ART4: variants seen among roughly 807,000 people sequenced by gnomAD.
ART4 encodes the protein ecto-ADP-ribosyltransferase 4.
Under a neutral mutation model 24.2 loss-of-function variants are expected in ART4, and 14 were observed. The observed-to-expected ratio is 0.58, with a 90% CI of 0.38 to 0.90. The LOEUF is 0.90. Ranked by LOEUF, ART4 falls within the 40% of genes least tolerant of loss-of-function variation. The pLI, the probability that ART4 is intolerant of heterozygous loss-of-function variation, is 0.00. For synonymous variants in ART4, 145 were observed against 139.9 expected, an observed-to-expected ratio of 1.04 and a Z score of -0.26; for missense variants, 356 against 366.6, an observed-to-expected ratio of 0.97 and a Z score of 0.24.
intron 1 of ART4, among the ~76,000 whole-genome samples, 162 bp downstream of exon 1, chr12:14,842,808 A>G (rs1242233684): frequency 6.6e-6 from 1 of 152,246 alleles, no homozygotes; most frequent in Non-Finnish European, 1.5e-5. Context: ...ACAATTTTTC[A>G]TAACTGTTTT....
In ART4 at chr12:14,827,397, ATTCT is replaced by A. The variant is rs1950366148; in HGVS notation, c.*1970_*1973del. ...TCACATAAATTGTCTGTTTGTAGAAATTCTTTCTTTTTTTCTTTTTTTGAGATCG... is the reference window on the plus strand; with the variant it reads ...TCACATAAATTGTCTGTTTGTAGAAATTCTTTTTTTCTTTTTTTGAGATCG... On this transcript the variant is annotated 3_prime_UTR_variant, in exon 3 of 3. Transcript: ENST00000228936. 6.6e-6 allele frequency: 1 copy of A among 152,388 alleles called. No individual in the cohort carries two copies. Among genetic ancestry groups the A allele is most frequent in the East Asian group, 1.9e-4 (1 of 5,178 alleles). The allele number at this position is 152,388 out of a possible 1,614,324, so 9.4% of individuals were successfully genotyped here.
Position 14,843,246 on chromosome 12 carries a change from C to G in ART4, c.-133G>C. On this transcript the variant is annotated 5_prime_UTR_variant, in exon 1 of 3. Transcript: ENST00000228936. The stretch of plus-strand genomic sequence containing the variant: ...TTCCCCTGTCTATGCTGAGCAACTT[C>G]TGTTGCCCACCAACAACCAATAGCT... The G allele has an allele frequency of 2.9e-6, 3 of 1,047,770 alleles. No individual in the cohort carries two copies. The highest frequency in any genetic ancestry group is 4.1e-6 in the Non-Finnish European group (3 of 736,378). The allele number at this position is 1,047,770 out of a possible 1,614,324, so 64.9% of individuals were successfully genotyped here.
chr12:14,837,260 A>G (rs934957410), intron 2 of ART4, among the ~76,000 whole-genome samples: 2 of 152,216 alleles, frequency 1.3e-5, no homozygotes, highest in Admixed American at 6.5e-5. Flanking sequence ...CATTGTGACA[A>G]CAGCTTACTT....
rs562302278 is a variant in ART4 at position 14,825,757 on chromosome 12, A to C, written c.*3614T>G. ...CTTCTAGCAAAACAAACTTTACTGAAATTTTCTTTCATTGGATTTTTTTTA... is the reference window on the plus strand; with the variant it reads ...CTTCTAGCAAAACAAACTTTACTGACATTTTCTTTCATTGGATTTTTTTTA... On this transcript the variant is annotated 3_prime_UTR_variant, in exon 3 of 3. Coordinates refer to ENST00000228936, the MANE Select transcript of ART4 (RefSeq NM_021071.4). 123 of 152,300 alleles carry C rather than the reference A, an allele frequency of 8.1e-4. No individual in the cohort carries two copies. Among genetic ancestry groups the C allele is most frequent in the Middle Eastern group, 6.8e-3 (2 of 294 alleles). The allele number at this position is 152,300 out of a possible 1,614,324, so 9.4% of individuals were successfully genotyped here. A position where few individuals can be genotyped will look rare whatever the true frequency, so the allele number is the denominator to read the frequency against.
intron 2 of ART4, among the ~76,000 whole-genome samples, chr12:14,832,412 A>G (rs1381243145): frequency 6.6e-6 from 1 of 152,068 alleles, no homozygotes; most frequent in Non-Finnish European, 1.5e-5. Flanking sequence ...TCACCCTCTC[A>G]GTGAAGTTTC....
At chr12:14,838,782 A>G (rs2137303051) in intron 2 of ART4, among the ~76,000 whole-genome samples, 1 of 152,316 alleles carries the variant, frequency 6.6e-6, no homozygotes, top group East Asian at 1.9e-4. Context: ...GAGAGCCTGA[A>G]TTATAAATCA....
chr12:14,840,723 A>T lies in ART4; in HGVS notation c.575T>A (p.Val192Asp). 6.2e-7 allele frequency: 1 copy of T among 1,614,138 alleles called. No individual in the cohort carries two copies. Among genetic ancestry groups the T allele is most frequent in the Non-Finnish European group, 8.5e-7 (1 of 1,180,026 alleles). ...GGCCCCTGTGTAGGCATTAAAGTGG[A>T]CATCCTTCGTCCTATAATGCACCTC... ...CYEVHYRTKDVHFNAYTGATI... is the reference protein window; with the variant it reads ...CYEVHYRTKDDHFNAYTGATI... Residue 192 changes from valine to aspartate, a missense_variant, in exon 2 of 3, where the codon GTC becomes GAC. Physicochemically the swap from Val to Asp is radical, Grantham distance 152. Transcript: ENST00000228936.
At chr12:14,830,119 AGTGT>A (rs113436435) in intron 2 of ART4, among the ~76,000 whole-genome samples, 7,200 of 145,640 alleles carry the variant, frequency 0.049, 173 homozygotes, top group Middle Eastern at 0.088. Flanking sequence ...TCCTGTTTGG[AGTGT>A]GTGTGTGTGT....
rs769965024 is a variant in ART4, at chr12:14,840,707, G to A, written c.591C>T (p.Tyr197=). 24 of 1,614,040 alleles carry A rather than the reference G, an allele frequency of 1.5e-5. No homozygotes were observed. Among genetic ancestry groups the A allele is most frequent in the Non-Finnish European group, 1.6e-5 (19 of 1,180,038 alleles). ...GGCCAAATCGAATGGTGGCCCCTGT[G>A]TAGGCATTAAAGTGGACATCCTTCG... is the stretch of plus-strand genomic sequence containing the variant. ...YRTKDVHFNA[Y]TGATIRFGQF... Residue 197 remains tyrosine, a synonymous_variant, in exon 2 of 3, where the codon TAC becomes TAT. Coordinates refer to ENST00000228936, the MANE Select transcript of ART4 (RefSeq NM_021071.4).
chr12:14,830,188 T>C (rs1023814219), intron 2 of ART4, among the ~76,000 whole-genome samples: 2 of 149,844 alleles, frequency 1.3e-5, no homozygotes, highest in African/African-American at 4.9e-5. Flanking sequence ...TCACAGGAAA[T>C]GTGGGACAGG....
rs1456907138 is a variant in ART4, at chr12:14,840,729, T to C, written c.569A>G (p.Lys190Arg). Residue 190 changes from lysine (K) to arginine (R), a missense_variant, in exon 2 of 3, where the codon AAG becomes AGG. Transcript: ENST00000228936. ...TGTGTAGGCATTAAAGTGGACATCC[T>C]TCGTCCTATAATGCACCTCATAGCA... Reference protein sequence around the residue: ...TLCYEVHYRTKDVHFNAYTGA... With the variant: ...TLCYEVHYRTRDVHFNAYTGA... 1 of 1,614,170 alleles carries C rather than the reference T, an allele frequency of 6.2e-7. No homozygotes were observed. The highest frequency in any genetic ancestry group is 8.5e-7 in the Non-Finnish European group (1 of 1,180,032).
rs912879393 is a variant in ART4, at chr12:14,840,991, C to T, written c.307G>A (p.Ala103Thr). 6.2e-7 allele frequency: 1 copy of T among 1,614,184 alleles called. No individual in the cohort carries two copies. Among genetic ancestry groups the T allele is most frequent in the Non-Finnish European group, 8.5e-7 (1 of 1,180,034 alleles). The change falls in exon 2 of 3, where the codon GCC becomes ACC. Residue 103 changes from alanine to threonine, a missense_variant. By Grantham distance (58) the Ala-to-Thr change is moderately conservative. Coordinates refer to ENST00000228936, the MANE Select transcript of ART4 (RefSeq NM_021071.4). ...AGAACTTTTCCTTGGTTAAGCCAGGCTAAGTGGGCTTTTTGCCACATCCTA... is the reference window on the plus strand; with the variant it reads ...AGAACTTTTCCTTGGTTAAGCCAGGTTAAGTGGGCTTTTTGCCACATCCTA... ...YFRMWQKAHL[A>T]WLNQGKVLPQ...
chr12:14,832,307 A>G (rs1198169122), intron 2 of ART4, among the ~76,000 whole-genome samples: 1 of 152,104 alleles, frequency 6.6e-6, no homozygotes, highest in Non-Finnish European at 1.5e-5. Context: ...CTTACTTGAG[A>G]CATTTGCACT....
intron 1 of ART4, 40 bp downstream of exon 1, chr12:14,842,930 A>C: frequency 6.3e-7 from 1 of 1,586,446 alleles, no homozygotes; most frequent in Non-Finnish European, 8.6e-7. Flanking sequence ...CTGTTGGAGC[A>C]CTGATCATAA....
rs1399696642 is a variant in ART4 at position 14,840,750 on chromosome 12, T to C, written c.548A>G (p.Tyr183Cys). ...DSIMENGTLC[Y>C]EVHYRTKDVH... ...ATCCTTCGTCCTATAATGCACCTCATAGCACAGAGTGCCATTCTCCATGAT... is the reference window on the plus strand; with the variant it reads ...ATCCTTCGTCCTATAATGCACCTCACAGCACAGAGTGCCATTCTCCATGAT... Residue 183 changes from tyrosine (Y) to cysteine (C), a missense_variant, in exon 2 of 3, where the codon TAT (tyrosine) becomes TGT (cysteine). Physicochemically the swap from Tyr to Cys is radical, Grantham distance 194. Transcript: ENST00000228936. The C allele has an allele frequency of 3.1e-6, 5 of 1,614,050 alleles. No individual in the cohort carries two copies. In the South Asian group the frequency reaches 4.4e-5, roughly 14 times the overall value.
chr12:14,828,026 AC>A lies in ART4; in HGVS notation c.*1344del, dbSNP rs1413571955. On this transcript the variant is annotated 3_prime_UTR_variant, in exon 3 of 3. Coordinates refer to ENST00000228936, the MANE Select transcript of ART4 (RefSeq NM_021071.4). ...TCATCTTTACTCCATTTAGCCTGATACCAGGGTCTTCAGTGATCGTGATCGG... is the reference window on the plus strand; with the variant it reads ...TCATCTTTACTCCATTTAGCCTGATACAGGGTCTTCAGTGATCGTGATCGG... 2 of 152,186 alleles carry A rather than the reference AC, an allele frequency of 1.3e-5. No homozygotes were observed. The highest frequency in any genetic ancestry group is 4.8e-5 in the African/African-American group (2 of 41,438). The allele number at this position is 152,186 out of a possible 1,614,324, so 9.4% of individuals were successfully genotyped here.
chr12:14,834,994 A>G (rs1195337673), intron 2 of ART4, among the ~76,000 whole-genome samples: 7 of 152,248 alleles, frequency 4.6e-5, no homozygotes, highest in African/African-American at 1.4e-4. Flanking sequence ...TGGAGAAGCT[A>G]TGCTCTTAAA....
At position 14,842,973 on chromosome 12, in the gene ART4, A is replaced by G. The variant is rs770440623; in HGVS notation, c.141T>C (p.Ser47=). The change falls in exon 1 of 3, where the codon TCT becomes TCC. Residue 47 remains serine (S), a synonymous_variant. Coordinates refer to ENST00000228936, the MANE Select transcript of ART4 (RefSeq NM_021071.4). ...LSGLQRPTEG[S]EVAIKIDFDF... ...ACCCCCTCAATTGTCCCCCTACCTC[A>G]GAACCCTCTGTGGGTCTCTGCAGGC... 5.0e-6 allele frequency: 8 copies of G among 1,611,548 alleles called. No individual in the cohort carries two copies. In the East Asian group the frequency reaches 1.3e-4, roughly 27 times the overall value.
rs1950357579 is a variant in ART4 at position 14,825,959 on chromosome 12, C to T, written c.*3412G>A. 6.6e-6 allele frequency: 1 copy of T among 152,158 alleles called. No individual in the cohort carries two copies. 9.4% of individuals were successfully genotyped at this position (152,158 alleles called of 1,614,324 possible). On this transcript the variant is annotated 3_prime_UTR_variant, in exon 3 of 3. Coordinates refer to ENST00000228936, the MANE Select transcript of ART4 (RefSeq NM_021071.4). Reference sequence around the variant, plus strand: ...TCTGTACACATCAAAAGGAGACATACATGTATTTGTTTAATAAAATTACTA... The same window carrying T: ...TCTGTACACATCAAAAGGAGACATATATGTATTTGTTTAATAAAATTACTA...
Sources: gnomAD v4.1 joint callset for allele counts (sites outside exome capture counted in the v4.1 genomes callset) on GRCh38, gnomAD v4.1.1 for gene constraint, MANE v1.5 for transcripts, NCBI Gene and HGNC (gene_info 2026-07-23, HGNC 2026-07-21) for gene names.